The following HLA-DPB1 variants were observed in gnomAD, a reference collection of about 807,000 sequenced individuals.
HLA-DPB1 encodes major histocompatibility complex, class II, DP beta 1.
A neutral mutation model predicts 29.4 loss-of-function variants in HLA-DPB1; 30 were observed. The observed-to-expected ratio is 1.02, with a 90% CI of 0.76 to 1.38. HLA-DPB1 has a LOEUF of 1.38. Ranked by LOEUF, HLA-DPB1 falls within the 40% of genes most tolerant of loss-of-function variation. The pLI, the probability that HLA-DPB1 is intolerant of heterozygous loss-of-function variation, is 0.00. For synonymous variants in HLA-DPB1, 114 were observed against 134.0 expected, an observed-to-expected ratio of 0.85 and a Z score of 1.03; for missense variants, 261 against 327.5, an observed-to-expected ratio of 0.80 and a Z score of 1.57.
rs9501258 is a variant in HLA-DPB1 at position 33,087,583 on chromosome 6, A to G, written c.*1049A>G. ...AGCAGCTCTCTTATACATCCAGTTG[A>G]TGCCTTCAGTCTCCCTGGCTTCTTA... On this transcript the variant is annotated 3_prime_UTR_variant, in exon 6 of 6. Transcript: ENST00000418931. Among the ~76,000 whole-genome samples, 7,056 of 152,252 alleles carry G rather than the reference A, an allele frequency of 0.046. 237 individuals carry two copies. Among genetic ancestry groups the G allele is most frequent in the South Asian group, 0.08 (386 of 4,826 alleles).
At chr6:33,082,206 C>T (rs9277358) in intron 2 of HLA-DPB1, 56,791 of 151,666 alleles carry the variant, frequency 0.37, 11,991 homozygotes, top group East Asian at 0.63. Flanking sequence ...ATAAAAATAA[C>T]GCAATTGGCA....
Position 33,080,983 on chromosome 6 carries a change from C to A in HLA-DPB1, c.364+48C>A, listed in dbSNP as rs750949665. ...CGGTCCCAGGGCAGCCCCGCGGGCCCGTGCCCAGGGCGCAGGAGCAGCCGG... is the reference window on the plus strand; with the variant it reads ...CGGTCCCAGGGCAGCCCCGCGGGCCAGTGCCCAGGGCGCAGGAGCAGCCGG... On this transcript the variant is annotated intron_variant, in intron 2 of 5. Coordinates refer to ENST00000418931, the MANE Select transcript of HLA-DPB1 (RefSeq NM_002121.6). This position sits in a 1 kb window ranked among gnomAD's most constrained non-coding sequence, Gnocchi z 4.3. 2.0e-6 allele frequency: 3 copies of A among 1,515,456 alleles called. No homozygotes were observed. The highest frequency in any genetic ancestry group is 2.6e-5 in the South Asian group (2 of 77,462). 93.9% of individuals were successfully genotyped at this position (1,515,456 alleles called of 1,614,324 possible). A position where few individuals can be genotyped will look rare whatever the true frequency, so the allele number is the denominator to read the frequency against.
chr6:33,086,293 A>T, intron 5 of HLA-DPB1, 51 bp downstream of exon 5: 1 of 1,370,590 alleles, frequency 7.3e-7, no homozygotes, highest in South Asian at 1.2e-5. Flanking sequence ...GGAGGATATG[A>T]GTCCTTTCTG....
chr6:33,080,794 C>T lies in HLA-DPB1; in HGVS notation c.223C>T (p.Arg75Trp), dbSNP rs1030114452. 2.5e-6 allele frequency: 4 copies of T among 1,613,514 alleles called. No individual in the cohort carries two copies. Among genetic ancestry groups the T allele is most frequent in the African/African-American group, 1.3e-5 (1 of 75,014 alleles). The change falls in exon 2 of 6, where the codon CGG becomes TGG. Residue 75 changes from arginine (R) to tryptophan (W), a missense_variant. Transcript: ENST00000418931. The surrounding 1 kb of genome is among the most constrained non-coding windows in gnomAD (Gnocchi z 4.3). ...CTTCGACAGCGACGTGGGGGAGTTC[C>T]GGGCGGTGACGGAGCTGGGGCGGCC... ...ARFDSDVGEF[R>W]AVTELGRPAA...
chr6:33,076,480 T>C (rs2071353), intron 1 of HLA-DPB1, among the ~76,000 whole-genome samples: 42,096 of 151,988 alleles, frequency 0.28, 7,730 homozygotes, highest in East Asian at 0.67. Context: ...GGCGTGTTCA[T>C]GTCTGCATCC....
At position 33,080,594 on chromosome 6, in the gene HLA-DPB1, G is replaced by A; in HGVS notation, c.101-78G>A. 4.4e-6 allele frequency: 7 copies of A among 1,592,578 alleles called. No homozygotes were observed. The highest frequency in any genetic ancestry group is 6.0e-6 in the Non-Finnish European group (7 of 1,162,342). ...TGGGTGGGAAGATTTGGGAAGAATC[G>A]TTAATATTGAGAGAGAGAGGGAGAA... is the stretch of plus-strand genomic sequence containing the variant. On this transcript the variant is annotated intron_variant, in intron 1 of 5. Transcript: ENST00000418931. This position sits in a 1 kb window ranked among gnomAD's most constrained non-coding sequence, Gnocchi z 4.3.
intron 1 of HLA-DPB1, chr6:33,079,831 A>T: frequency 2.4e-6 from 1 of 422,416 alleles, no homozygotes; most frequent in Non-Finnish European, 4.6e-6. Flanking sequence ...CAACCCCAGT[A>T]CCAGGGTGCA....
intron 1 of HLA-DPB1, among the ~76,000 whole-genome samples, chr6:33,077,188 C>T (rs1421118805): frequency 1.3e-5 from 2 of 151,018 alleles, no homozygotes; most frequent in African/African-American, 4.9e-5. Flanking sequence ...TTTGTCCTTG[C>T]AATAGTTTGC....
At chr6:33,078,188 C>T (rs571822747) in intron 1 of HLA-DPB1, among the ~76,000 whole-genome samples, 11 of 152,128 alleles carry the variant, frequency 7.2e-5, no homozygotes, top group Non-Finnish European at 1.5e-4. Context: ...AAAGGGAGGA[C>T]GGGCAAAGGC....
chr6:33,083,225 G>A (rs1327278639), intron 2 of HLA-DPB1, among the ~76,000 whole-genome samples: 1 of 152,212 alleles, frequency 6.6e-6, no homozygotes, highest in Admixed American at 6.5e-5. Flanking sequence ...GGGAGTAAGG[G>A]TTGTGTGTCA....
intron 2 of HLA-DPB1, 80 bp downstream of exon 2, chr6:33,081,015 C>T: frequency 7.0e-7 from 1 of 1,426,206 alleles, no homozygotes; most frequent in Non-Finnish European, 9.2e-7. Context: ...CCGGGTTGGC[C>T]TAAGGGACCT....
At chr6:33,084,078 T>G (rs1330467157) in intron 2 of HLA-DPB1, 7 of 150,322 alleles carry the variant, frequency 4.7e-5, no homozygotes, top group Non-Finnish European at 7.4e-5. Context: ...TTTTACAGAA[T>G]AAGACATGTA....
Position 33,080,902 on chromosome 6 carries a change from G to A in HLA-DPB1, c.331G>A (p.Glu111Lys), listed in dbSNP as rs750894680. The A allele has an allele frequency of 6.2e-7, 1 of 1,607,028 alleles. No homozygotes were observed. The highest frequency in any genetic ancestry group is 1.7e-5 in the Admixed American group (1 of 59,800). Residue 111 changes from glutamate to lysine, a missense_variant, in exon 2 of 6, where the codon GAG becomes AAG. Physicochemically the swap from Glu to Lys is moderately conservative, Grantham distance 56 (BLOSUM62 1). Coordinates refer to ENST00000418931, the MANE Select transcript of HLA-DPB1 (RefSeq NM_002121.6). The surrounding 1 kb of genome is among the most constrained non-coding windows in gnomAD (Gnocchi z 4.3). ...VPDRMCRHNY[E>K]LGGPMTLQRR... The stretch of plus-strand genomic sequence containing the variant: ...GGACAGGATGTGCAGACACAACTAC[G>A]AGCTGGGCGGGCCCATGACCCTGCA...
At chr6:33,077,769 A>G (rs1192912846) in intron 1 of HLA-DPB1, among the ~76,000 whole-genome samples, 1 of 152,070 alleles carries the variant, frequency 6.6e-6, no homozygotes, top group East Asian at 1.9e-4. Flanking sequence ...CACCCCTCCT[A>G]GGACACACCT....
In HLA-DPB1 at chr6:33,082,590, G is replaced by A. The variant is rs75565607; in HGVS notation, c.364+1655G>A. Among the ~76,000 whole-genome samples the A allele has an allele frequency of 0.03, 4,604 of 152,250 alleles. 497 individuals are homozygous for A. In the East Asian group the frequency reaches 0.4, roughly 13 times the overall value. On this transcript the variant is annotated intron_variant, in intron 2 of 5. Transcript: ENST00000418931. ...TCTTCAGAAGACTACTAAGGGTGCT[G>A]GCTAGAGGAGGGACCAGAGGCAGGG...
In HLA-DPB1 at chr6:33,089,692, A is replaced by G. The variant is rs1046684618; in HGVS notation, c.*3158A>G. ...AAATAAATAATAAAATACTTCTACAAGAGATATTTATGGAGGACCTACTGT... is the reference window on the plus strand; with the variant it reads ...AAATAAATAATAAAATACTTCTACAGGAGATATTTATGGAGGACCTACTGT... On this transcript the variant is annotated 3_prime_UTR_variant, in exon 6 of 6. Transcript: ENST00000418931. Among the ~76,000 whole-genome samples, 2 of 151,870 alleles carry G rather than the reference A, an allele frequency of 1.3e-5. No homozygotes were observed. Among genetic ancestry groups the G allele is most frequent in the Non-Finnish European group, 2.9e-5 (2 of 68,032 alleles).
rs1259143672 is a variant in HLA-DPB1, at chr6:33,087,371, A to G, written c.*837A>G. 6.6e-6 allele frequency among the ~76,000 whole-genome samples: 1 copy of G among 151,726 alleles called. No homozygotes were observed. The highest frequency in any genetic ancestry group is 2.4e-5 in the African/African-American group (1 of 41,216). ...AATGACTCCCCACTGGGGAAAGAGC[A>G]AAGCAATACATGTAGCACTCTTTTT... On this transcript the variant is annotated 3_prime_UTR_variant, in exon 6 of 6. Transcript: ENST00000418931.
rs112119417 is a variant in HLA-DPB1 at position 33,087,722 on chromosome 6, A to T, written c.*1188A>T. On this transcript the variant is annotated 3_prime_UTR_variant, in exon 6 of 6. Coordinates refer to ENST00000418931, the MANE Select transcript of HLA-DPB1 (RefSeq NM_002121.6). ...TGCAAATAATATCTTCCATCGGGGG[A>T]CCGGCTTCCTCCAATTTCAGGAGAG... is the stretch of plus-strand genomic sequence containing the variant. Among the ~76,000 whole-genome samples, 3,598 of 152,212 alleles carry T rather than the reference A, an allele frequency of 0.024. 84 individuals are homozygous for T. The highest frequency in any genetic ancestry group is 0.066 in the African/African-American group (2,736 of 41,504).
At position 33,085,207 on chromosome 6, in the gene HLA-DPB1, G is replaced by C; in HGVS notation, c.622G>C (p.Asp208His). The C allele has an allele frequency of 6.2e-7, 1 of 1,611,186 alleles. No individual in the cohort carries two copies. Among genetic ancestry groups the C allele is most frequent in the Non-Finnish European group, 8.5e-7 (1 of 1,178,074 alleles). The change falls in exon 3 of 6, where the codon GAT (aspartate) becomes CAT (histidine). Residue 208 changes from aspartate (D) to histidine (H), a missense_variant. Coordinates refer to ENST00000418931, the MANE Select transcript of HLA-DPB1 (RefSeq NM_002121.6). ...YTCQVEHTSL[D>H]SPVTVEWKAQ... is the part of the protein sequence containing the mutation. ...CTGCCAAGTGGAGCACACCAGCCTGGATAGTCCTGTCACCGTGGAGTGGAG... is the reference window on the plus strand; with the variant it reads ...CTGCCAAGTGGAGCACACCAGCCTGCATAGTCCTGTCACCGTGGAGTGGAG...
Sources: gnomAD v4.1 joint callset for allele counts (sites outside exome capture counted in the v4.1 genomes callset) on GRCh38, gnomAD v4.1.1 for gene constraint, Gnocchi (gnomAD v3.1) non-coding constraint, MANE v1.5 for transcripts, NCBI Gene and HGNC (gene_info 2026-07-23, HGNC 2026-07-21) for gene names.